SLC35F1: variants seen among roughly 807,000 people sequenced by gnomAD.
SLC35F1 encodes solute carrier family 35 member F1.
Under a neutral mutation model 48.7 loss-of-function variants are expected in SLC35F1, and 14 were observed. The observed-to-expected ratio is 0.29, with a 90% CI of 0.19 to 0.45. The LOEUF is 0.45. Among genes scored for constraint, SLC35F1 ranks in the 20% least tolerant of loss-of-function variants. The pLI is 1.00. For synonymous variants in SLC35F1, 190 were observed against 202.2 expected, an observed-to-expected ratio of 0.94 and a Z score of 0.51; for missense variants, 404 against 500.0, an observed-to-expected ratio of 0.81 and a Z score of 1.83.
chr6:118,301,489 G>A (rs570740114), intron 7 of SLC35F1, among the ~76,000 whole-genome samples: 1 of 152,240 alleles, frequency 6.6e-6, no homozygotes, highest in South Asian at 2.1e-4. Flanking sequence ...TGTTAAGGGG[G>A]GGTATGAAGG....
At chr6:118,297,870 A>G (rs1445193767) in intron 7 of SLC35F1, among the ~76,000 whole-genome samples, 3 of 150,948 alleles carry the variant, frequency 2.0e-5, no homozygotes, top group African/African-American at 7.3e-5. Context: ...GTAATCTGCA[A>G]TGTTGGAGGT....
intron 1 of SLC35F1, among the ~76,000 whole-genome samples, chr6:118,044,449 G>C (rs542911597): frequency 6.6e-6 from 1 of 151,972 alleles, no homozygotes; most frequent in Non-Finnish European, 1.5e-5. Flanking sequence ...CATTCTCCAG[G>C]GTTCTTCACT....
intron 1 of SLC35F1, among the ~76,000 whole-genome samples, chr6:117,916,220 A>G (rs1775824277): frequency 6.6e-6 from 1 of 151,886 alleles, no homozygotes; most frequent in South Asian, 2.1e-4. Flanking sequence ...GCACTTTTAT[A>G]TTTTTTGTCC....
At chr6:118,021,724 T>G (rs1461534071) in intron 1 of SLC35F1, among the ~76,000 whole-genome samples, 3 of 152,182 alleles carry the variant, frequency 2.0e-5, no homozygotes, top group Non-Finnish European at 4.4e-5. Flanking sequence ...AACAACAATT[T>G]TATTGGCGCA....
intron 2 of SLC35F1, among the ~76,000 whole-genome samples, chr6:118,205,940 C>T (rs934764173): frequency 1.9e-4 from 29 of 151,934 alleles, no homozygotes; most frequent in African/African-American, 5.8e-4. Context: ...TAGGTAAGTT[C>T]GCAGAGACAG....
chr6:118,014,746 G>A (rs754609990), intron 1 of SLC35F1, among the ~76,000 whole-genome samples: 24 of 152,122 alleles, frequency 1.6e-4, no homozygotes, highest in African/African-American at 5.6e-4. Flanking sequence ...AAATGGAGAT[G>A]TAAATAAATG....
chr6:117,933,265 T>C (rs1476888253), intron 1 of SLC35F1, among the ~76,000 whole-genome samples: 1 of 152,218 alleles, frequency 6.6e-6, no homozygotes, highest in Non-Finnish European at 1.5e-5. Context: ...CCATATTCTA[T>C]ATTTAAACTC....
At chr6:117,933,066 C>T (rs1475027679) in intron 1 of SLC35F1, among the ~76,000 whole-genome samples, 1 of 152,194 alleles carries the variant, frequency 6.6e-6, no homozygotes, top group Non-Finnish European at 1.5e-5. Flanking sequence ...TGCACAAAGA[C>T]TTCTGATGCT....
intron 1 of SLC35F1, among the ~76,000 whole-genome samples, chr6:118,113,856 T>C (rs117648110): frequency 0.023 from 3,442 of 152,346 alleles, 58 homozygotes; most frequent in Non-Finnish European, 0.036. Context: ...ATTTTACTTA[T>C]TTAAAAAGTG....
chr6:117,923,899 T>A (rs903969911), intron 1 of SLC35F1, among the ~76,000 whole-genome samples: 1 of 149,458 alleles, frequency 6.7e-6, no homozygotes. Context: ...CATATACACA[T>A]ATATGTGTGT....
intron 7 of SLC35F1, among the ~76,000 whole-genome samples, chr6:118,298,499 C>T (rs1475955395): frequency 6.6e-6 from 1 of 152,066 alleles, no homozygotes; most frequent in Non-Finnish European, 1.5e-5. Context: ...TAATGGCAAG[C>T]CCCAGTGACT....
chr6:117,998,468 A>G (rs1286301850), intron 1 of SLC35F1, among the ~76,000 whole-genome samples: 3 of 152,198 alleles, frequency 2.0e-5, no homozygotes, highest in African/African-American at 7.2e-5. Context: ...TCAACAGAAT[A>G]TACATTTTTT....
chr6:118,225,174 A>C (rs1396048825), intron 2 of SLC35F1, among the ~76,000 whole-genome samples: 1 of 152,222 alleles, frequency 6.6e-6, no homozygotes, highest in African/African-American at 2.4e-5. Flanking sequence ...AAAGGACCCC[A>C]GTAGCCAAAG....
At chr6:118,128,782 G>T (rs1287228619) in intron 1 of SLC35F1, among the ~76,000 whole-genome samples, 1 of 151,256 alleles carries the variant, frequency 6.6e-6, no homozygotes, top group Non-Finnish European at 1.5e-5. Flanking sequence ...TGCACATTGT[G>T]CACATGTACC....
chr6:117,999,269 G>T (rs1016112384), intron 1 of SLC35F1: 1 of 1,595,910 alleles, frequency 6.3e-7, no homozygotes, highest in Admixed American at 1.7e-5. Flanking sequence ...ACATGCCTAC[G>T]TTGCCCACCC....
intron 1 of SLC35F1, among the ~76,000 whole-genome samples, chr6:117,970,229 A>G (rs943884015): frequency 6.6e-6 from 1 of 152,202 alleles, no homozygotes; most frequent in Non-Finnish European, 1.5e-5. Context: ...GAGTTCACCT[A>G]TAATGCTTAC....
intron 1 of SLC35F1, among the ~76,000 whole-genome samples, chr6:118,011,814 C>T (rs960619842): frequency 6.6e-6 from 1 of 152,142 alleles, no homozygotes; most frequent in African/African-American, 2.4e-5. Flanking sequence ...CTGCTCAACA[C>T]AGAATTATCC....
At chr6:117,967,587 G>A (rs1166394993) in intron 1 of SLC35F1, among the ~76,000 whole-genome samples, 2 of 152,130 alleles carry the variant, frequency 1.3e-5, no homozygotes, top group Non-Finnish European at 2.9e-5. Flanking sequence ...TTGTGACCCT[G>A]TTTACTCTTG....
chr6:118,183,525 A>G (rs1325890994), intron 2 of SLC35F1, among the ~76,000 whole-genome samples: 1 of 152,000 alleles, frequency 6.6e-6, no homozygotes, highest in Non-Finnish European at 1.5e-5. Context: ...AAAAAAAGAA[A>G]TTGTTTCTTA....
Sources: gnomAD v4.1 joint callset for allele counts (sites outside exome capture counted in the v4.1 genomes callset) on GRCh38, gnomAD v4.1.1 for gene constraint, MANE v1.5 for transcripts, NCBI Gene and HGNC (gene_info 2026-07-23, HGNC 2026-07-21) for gene names.